Variants in TRAPPC12 observed in about 807,000 individuals in gnomAD.
TRAPPC12 encodes the protein TPR repeat protein 15.
In TRAPPC12, 61 loss-of-function variants were observed where a neutral mutation model predicts 69.2. The observed-to-expected ratio is 0.88, with a 90% CI of 0.72 to 1.09. The LOEUF is 1.09. TRAPPC12 is among the 50% of genes least tolerant of loss of function. The pLI, the probability that TRAPPC12 is intolerant of heterozygous loss-of-function variation, is 0.00. For missense variants in TRAPPC12, 1,101 were observed against 1,016.4 expected, an observed-to-expected ratio of 1.08 and a Z score of -1.13; for synonymous variants, 469 against 438.9, an observed-to-expected ratio of 1.07 and a Z score of -0.86.
At chr2:3,443,976 G>T in intron 6 of TRAPPC12, 85 bp downstream of exon 6, 1 of 977,578 alleles carries the variant, frequency 1.0e-6, no homozygotes. Context: ...GCTGTTCCCT[G>T]CCCGTCCTGC....
intron 9 of TRAPPC12, 114 bp downstream of exon 9, chr2:3,465,809 C>T: frequency 1.3e-6 from 1 of 776,440 alleles, no homozygotes; most frequent in South Asian, 1.5e-5. Flanking sequence ...AGAAAATATT[C>T]CAATTCAAAT....
chr2:3,457,796 C>G, intron 7 of TRAPPC12, 103 bp downstream of exon 7: 1 of 1,514,042 alleles, frequency 6.6e-7, no homozygotes, highest in Non-Finnish European at 8.8e-7. Context: ...TTTCTGTAGT[C>G]AGCACTGCAC....
chr2:3,387,987 G>A lies in TRAPPC12; in HGVS notation c.364G>A (p.Asp122Asn). Residue 122 changes from aspartate (D) to asparagine (N), a missense_variant, in exon 2 of 12, where the codon GAC (aspartate) becomes AAC (asparagine). By Grantham distance (23) the Asp-to-Asn change is conservative. Transcript: ENST00000324266. Reference protein sequence around the residue: ...GEADGDCAPEDAAPSSGGAPR... With the variant: ...GEADGDCAPENAAPSSGGAPR... Reference sequence around the variant, plus strand: ...GGCCGACGGCGACTGTGCCCCCGAGGACGCGGCACCCAGTAGCGGAGGGGC... The same window carrying A: ...GGCCGACGGCGACTGTGCCCCCGAGAACGCGGCACCCAGTAGCGGAGGGGC... 6.8e-7 allele frequency: 1 copy of A among 1,471,858 alleles called. No individual in the cohort carries two copies. Among genetic ancestry groups the A allele is most frequent in the Non-Finnish European group, 8.9e-7 (1 of 1,118,200 alleles). The allele number at this position is 1,471,858 out of a possible 1,614,324, so 91.2% of individuals were successfully genotyped here. A position where few individuals can be genotyped will look rare whatever the true frequency, so the allele number is the denominator to read the frequency against.
chr2:3,457,350 C>T (rs756309268), intron 6 of TRAPPC12: 5 of 480,896 alleles, frequency 1.0e-5, no homozygotes, highest in Non-Finnish European at 1.2e-5. Context: ...ATGCTGACTA[C>T]CTGGGTGATG....
chr2:3,402,658 T>G (rs1661511049), intron 3 of TRAPPC12, among the ~76,000 whole-genome samples: 1 of 152,244 alleles, frequency 6.6e-6, no homozygotes, highest in African/African-American at 2.4e-5. Context: ...TTGATTTGTT[T>G]CCAATGAATT....
At chr2:3,454,745 C>T (rs1288663551) in intron 6 of TRAPPC12, 4 of 152,504 alleles carry the variant, frequency 2.6e-5, no homozygotes, top group African/African-American at 9.6e-5. Flanking sequence ...CCTCATTGGC[C>T]GTGATAGTCC....
intron 8 of TRAPPC12, chr2:3,462,909 GA>G (rs1281133058): frequency 2.1e-6 from 1 of 471,158 alleles, no homozygotes; most frequent in South Asian, 1.5e-5. Context: ...TGATGGAAAG[GA>G]GCACGCAGCT....
intron 8 of TRAPPC12, chr2:3,462,822 C>A: frequency 4.5e-6 from 2 of 445,796 alleles, no homozygotes. Flanking sequence ...CCCCGGGTGC[C>A]CCTGGGAGGC....
chr2:3,478,505 T>C (rs35857744), intron 10 of TRAPPC12, among the ~76,000 whole-genome samples: 3 of 151,746 alleles, frequency 2.0e-5, no homozygotes, highest in African/African-American at 7.3e-5. Context: ...GTGGTGGCAG[T>C]CGCCTGTAAT....
intron 1 of TRAPPC12, among the ~76,000 whole-genome samples, chr2:3,386,742 A>G (rs1660511466): frequency 6.6e-6 from 1 of 152,136 alleles, no homozygotes; most frequent in Non-Finnish European, 1.5e-5. Context: ...GGGGAAGTCA[A>G]GAGACTATTA....
At chr2:3,417,296 C>T (rs1351312243) in intron 3 of TRAPPC12, among the ~76,000 whole-genome samples, 1 of 152,098 alleles carries the variant, frequency 6.6e-6, no homozygotes, top group Non-Finnish European at 1.5e-5. Flanking sequence ...GTTTCTGGGT[C>T]TCTCTCACCC....
rs573541390 is a variant in TRAPPC12 at position 3,451,069 on chromosome 2, C to G, written c.1531-6552C>G. Among the ~76,000 whole-genome samples, 143 of 152,298 alleles carry G rather than the reference C, an allele frequency of 9.4e-4. 5 individuals carry two copies. The South Asian group carries it at 0.028, about 30-fold the overall frequency. On this transcript the variant is annotated intron_variant, in intron 6 of 11. Transcript: ENST00000324266. ...TTAAATATGAATAGGTTACAAATTG[C>G]CTTTTTAAATATTGCTTGAGATCAA...
At chr2:3,466,497 A>AGG in intron 9 of TRAPPC12, 1 of 422,072 alleles carries the variant, frequency 2.4e-6, no homozygotes, top group Non-Finnish European at 5.0e-6. Context: ...CAGCTACAGG[A>AGG]GGCCACATAG....
intron 4 of TRAPPC12, among the ~76,000 whole-genome samples, chr2:3,423,795 C>A (rs2103058924): frequency 6.6e-6 from 1 of 152,328 alleles, no homozygotes; most frequent in East Asian, 1.9e-4. Flanking sequence ...CCAATTAGGT[C>A]ATTTCTAAGG....
At chr2:3,449,701 C>T (rs1347810317) in intron 6 of TRAPPC12, among the ~76,000 whole-genome samples, 1 of 152,138 alleles carries the variant, frequency 6.6e-6, no homozygotes. Context: ...GCGTGGCTGG[C>T]CTCTAACACT....
chr2:3,478,686 G>T, intron 10 of TRAPPC12, 160 bp from the exon 11 acceptor site: 1 of 606,054 alleles, frequency 1.7e-6, no homozygotes. Flanking sequence ...GAGCCTGAAT[G>T]CAAAACGCAG....
chr2:3,458,136 G>C lies in TRAPPC12; in HGVS notation c.1603+443G>C, dbSNP rs1665281358. The C allele has an allele frequency of 8.8e-6, 9 of 1,018,518 alleles. 1 individual carries two copies. The highest frequency in any genetic ancestry group is 4.9e-4 in the Middle Eastern group (1 of 2,048). 63.1% of individuals were successfully genotyped at this position (1,018,518 alleles called of 1,614,324 possible). Reference sequence around the variant, plus strand: ...AGCTGGAGAGGAAGGCCCAGAGCCTGGGGCAGGCTGAGGGACCTGGGCAGT... The same window carrying C: ...AGCTGGAGAGGAAGGCCCAGAGCCTCGGGCAGGCTGAGGGACCTGGGCAGT... On this transcript the variant is annotated intron_variant, in intron 7 of 11. Coordinates refer to ENST00000324266, the MANE Select transcript of TRAPPC12 (RefSeq NM_016030.6).
At chr2:3,476,832 T>A (rs550914102) in intron 9 of TRAPPC12, among the ~76,000 whole-genome samples, 1 of 152,314 alleles carries the variant, frequency 6.6e-6, no homozygotes, top group Admixed American at 6.5e-5. Context: ...GACAGCATTC[T>A]GTTAAGTTTC....
intron 8 of TRAPPC12, among the ~76,000 whole-genome samples, chr2:3,464,890 G>GGCCGGGCCACGT (rs1455817781): frequency 9.9e-5 from 15 of 152,244 alleles, no homozygotes; most frequent in African/African-American, 3.6e-4. Flanking sequence ...AGGGGCCACG[G>GGCCGGGCCACGT]GCCAGACCAC....
Sources: gnomAD v4.1 joint callset for allele counts (sites outside exome capture counted in the v4.1 genomes callset) on GRCh38, gnomAD v4.1.1 for gene constraint, MANE v1.5 for transcripts, NCBI Gene and HGNC (gene_info 2026-07-23, HGNC 2026-07-21) for gene names.